CTNNA3: variants seen among roughly 807,000 people sequenced by gnomAD.
The protein encoded by CTNNA3 is catenin alpha-3.
Under a neutral mutation model 95.7 loss-of-function variants are expected in CTNNA3, and 76 were observed. That is an observed-to-expected ratio of 0.79 (90% CI 0.66 to 0.96). The LOEUF is 0.96. CTNNA3 is among the 40% of genes least tolerant of loss of function. The pLI is 0.00. For synonymous variants in CTNNA3, 431 were observed against 374.4 expected, an observed-to-expected ratio of 1.15 and a Z score of -1.74; for missense variants, 1,191 against 1,089.8, an observed-to-expected ratio of 1.09 and a Z score of -1.31.
intron 7 of CTNNA3, among the ~76,000 whole-genome samples, chr10:66,783,862 T>G (rs1840637264): frequency 6.6e-6 from 1 of 152,194 alleles, no homozygotes; most frequent in African/African-American, 2.4e-5. Context: ...CTCCAGTTTC[T>G]TAAGTCTAAT....
chr10:67,194,348 G>C (rs1223546274), intron 6 of CTNNA3, among the ~76,000 whole-genome samples: 1 of 152,062 alleles, frequency 6.6e-6, no homozygotes, highest in Admixed American at 6.6e-5. Context: ...ATAAACTGTG[G>C]TACATCCAGA....
chr10:67,039,033 G>C (rs1854237118), intron 7 of CTNNA3, among the ~76,000 whole-genome samples: 1 of 151,994 alleles, frequency 6.6e-6, no homozygotes, highest in Non-Finnish European at 1.5e-5. Flanking sequence ...TGTTAGAAAG[G>C]ACTTGAGGTT....
chr10:65,948,586 T>C (rs1373593362), intron 17 of CTNNA3, among the ~76,000 whole-genome samples: 1 of 152,118 alleles, frequency 6.6e-6, no homozygotes, highest in Non-Finnish European at 1.5e-5. Context: ...AAAGTAACAT[T>C]TCCAGGTCAT....
chr10:67,330,587 G>C (rs1449076458), intron 5 of CTNNA3, among the ~76,000 whole-genome samples: 1 of 152,058 alleles, frequency 6.6e-6, no homozygotes, highest in Non-Finnish European at 1.5e-5. Context: ...AGGATCATGG[G>C]AGGCAGTCAG....
chr10:66,001,198 C>G (rs745841584), intron 15 of CTNNA3, among the ~76,000 whole-genome samples: 3 of 152,018 alleles, frequency 2.0e-5, no homozygotes, highest in Non-Finnish European at 2.9e-5. Context: ...GCCCCAGTAG[C>G]CTACAGTCCT....
At chr10:67,578,996 GAT>G (rs533690910) in intron 3 of CTNNA3, among the ~76,000 whole-genome samples, 1,731 of 87,208 alleles carry the variant, frequency 0.02, 24 homozygotes, top group Middle Eastern at 0.07. Context: ...TGATCATAGT[GAT>G]ATATATATAT....
intron 12 of CTNNA3, among the ~76,000 whole-genome samples, chr10:66,302,691 T>C (rs1326920470): frequency 5.3e-5 from 8 of 152,102 alleles, no homozygotes; most frequent in African/African-American, 1.4e-4. Flanking sequence ...TAGAAAGGTA[T>C]GTGGGCACTT....
intron 17 of CTNNA3, among the ~76,000 whole-genome samples, chr10:65,960,447 C>T (rs1166375341): frequency 6.6e-6 from 1 of 152,084 alleles, no homozygotes; most frequent in Non-Finnish European, 1.5e-5. Context: ...ATGGCATGAA[C>T]CCAGGAGGCG....
At chr10:66,923,814 G>A (rs906783487) in intron 7 of CTNNA3, among the ~76,000 whole-genome samples, 1 of 152,120 alleles carries the variant, frequency 6.6e-6, no homozygotes, top group Admixed American at 6.6e-5. Flanking sequence ...TACAAATGTT[G>A]AACATTACAT....
chr10:67,539,427 G>C (rs1050865337), intron 4 of CTNNA3, 76 bp downstream of exon 4: 2 of 1,512,430 alleles, frequency 1.3e-6, no homozygotes, highest in African/African-American at 2.7e-5. Flanking sequence ...AGATGCACTA[G>C]GATCGACGCC....
intron 5 of CTNNA3, among the ~76,000 whole-genome samples, chr10:67,422,868 A>G (rs895822644): frequency 3.3e-5 from 5 of 152,142 alleles, no homozygotes; most frequent in Non-Finnish European, 7.4e-5. Flanking sequence ...GAGTGTGAGA[A>G]CAAACTAATA....
At chr10:66,621,214 T>C (rs1844734593) in intron 10 of CTNNA3, among the ~76,000 whole-genome samples, 1 of 152,212 alleles carries the variant, frequency 6.6e-6, no homozygotes, top group Admixed American at 6.5e-5. Context: ...TCAAATCATT[T>C]GGACAAAGCA....
intron 1 of CTNNA3, among the ~76,000 whole-genome samples, chr10:67,652,826 G>A (rs980962506): frequency 5.9e-5 from 9 of 152,132 alleles, no homozygotes; most frequent in Non-Finnish European, 1.2e-4. Context: ...CTAATGTAGA[G>A]GATCTATTCC....
chr10:66,746,259 CAA>C (rs1382257119), intron 9 of CTNNA3, among the ~76,000 whole-genome samples: 1 of 151,830 alleles, frequency 6.6e-6, no homozygotes, highest in Non-Finnish European at 1.5e-5. Context: ...TTAGTGAAGA[CAA>C]AGACAAATAT....
intron 13 of CTNNA3, among the ~76,000 whole-genome samples, chr10:66,277,559 G>A (rs989227718): frequency 1.1e-4 from 16 of 152,024 alleles, no homozygotes; most frequent in African/African-American, 1.4e-4. Flanking sequence ...AGAAAAAAAC[G>A]GATAGATTTT....
At chr10:66,270,388 A>C (rs1164072507) in intron 13 of CTNNA3, among the ~76,000 whole-genome samples, 1 of 152,000 alleles carries the variant, frequency 6.6e-6, no homozygotes, top group Non-Finnish European at 1.5e-5. Flanking sequence ...TGTTTTTTAC[A>C]GAGACGGGGG....
intron 13 of CTNNA3, among the ~76,000 whole-genome samples, chr10:66,217,432 T>C (rs2088625057): frequency 6.6e-6 from 1 of 152,194 alleles, no homozygotes; most frequent in Admixed American, 6.5e-5. Context: ...GTAATACCTT[T>C]GATCCATCCA....
At chr10:67,099,591 C>A (rs1858217314) in intron 7 of CTNNA3, 1 of 152,008 alleles carries the variant, frequency 6.6e-6, no homozygotes, top group South Asian at 2.1e-4. Context: ...GAAGAATGAA[C>A]TTAAAAACTG....
intron 10 of CTNNA3, among the ~76,000 whole-genome samples, chr10:66,542,591 A>T (rs1841894386): frequency 6.6e-6 from 1 of 152,090 alleles, no homozygotes; most frequent in Non-Finnish European, 1.5e-5. Context: ...CTTTGTATGG[A>T]CATGGATGAA....
Sources: gnomAD v4.1 joint callset for allele counts (sites outside exome capture counted in the v4.1 genomes callset) on GRCh38, gnomAD v4.1.1 for gene constraint, MANE v1.5 for transcripts, NCBI Gene and HGNC (gene_info 2026-07-23, HGNC 2026-07-21) for gene names.